ZMYM2: variants seen among roughly 807,000 people sequenced by gnomAD.
ZMYM2 encodes the protein zinc finger MYM-type protein 2.
Under a neutral mutation model 162.8 loss-of-function variants are expected in ZMYM2, and 56 were observed. That is an observed-to-expected ratio of 0.34 (90% CI 0.28 to 0.43). ZMYM2 has a LOEUF of 0.43. Among genes scored for constraint, ZMYM2 ranks in the 20% least tolerant of loss-of-function variants. The pLI is 1.00. For synonymous variants in ZMYM2, 510 were observed against 541.6 expected (o/e 0.94, Z 0.81); for missense variants, 1,275 against 1,621.8 (o/e 0.79, Z 3.67).
chr13:19,885,975 A>ATGTG, the ZMYM2 span, among the ~76,000 whole-genome samples: 3 of 138,582 alleles, frequency 2.2e-5, 1 homozygote, highest in African/African-American at 8.2e-5. Context: ...GTATACACAT[A>ATGTG]TATATGTATA....
chr13:20,082,705 CTG>C (rs2141047364), intron 22 of ZMYM2, 74 bp from the exon 23 acceptor site: 1 of 1,244,262 alleles, frequency 8.0e-7, no homozygotes, highest in East Asian at 2.6e-5. Flanking sequence ...CTTAAATTAA[CTG>C]TGTCTGCTTC....
chr13:19,923,527 C>CTT, the ZMYM2 span, among the ~76,000 whole-genome samples: 308 of 147,170 alleles, frequency 2.1e-3, 1 homozygote, highest in East Asian at 5.9e-3. Context: ...TGTTTGGGGT[C>CTT]TTTTTTTTTT....
chr13:19,884,528 G>A, the ZMYM2 span, among the ~76,000 whole-genome samples: 6 of 151,900 alleles, frequency 3.9e-5, no homozygotes, highest in Non-Finnish European at 2.9e-5. Flanking sequence ...AGCCAAGATC[G>A]CGCCACTGCA....
chr13:19,973,938 C>A (rs1487422420), intron 2 of ZMYM2, among the ~76,000 whole-genome samples: 1 of 151,786 alleles, frequency 6.6e-6, no homozygotes, highest in East Asian at 1.9e-4. Context: ...TCAATATGGC[C>A]CAGGGAAGCC....
At position 19,993,289 on chromosome 13, in the gene ZMYM2, G is replaced by T; in HGVS notation, c.217G>T (p.Val73Leu). Residue 73 changes from valine (V) to leucine (L), a missense_variant, in exon 3 of 25, where the codon GTA (valine) becomes TTA (leucine). Physicochemically the swap from Val to Leu is conservative, Grantham distance 32. Around this residue, in one of 10 missense-constraint regions of ZMYM2, gnomAD observed 295 missense variants for 286.7 expected, o/e 1.03. Transcript: ENST00000610343. ...ACCTGTACAACCTCCCCCACCTTCT[G>T]TACCAGTGGTAGCTGATCAAAGAAC... is the stretch of plus-strand genomic sequence containing the variant. ...IEPVQPPPPSVPVVADQRTIT... is the reference protein window; with the variant it reads ...IEPVQPPPPSLPVVADQRTIT... 1 of 1,613,914 alleles carries T rather than the reference G, an allele frequency of 6.2e-7. No individual in the cohort carries two copies. Among genetic ancestry groups the T allele is most frequent in the African/African-American group, 1.3e-5 (1 of 75,040 alleles).
intron 2 of ZMYM2, among the ~76,000 whole-genome samples, chr13:19,966,428 C>T (rs1389820202): frequency 6.6e-6 from 1 of 150,904 alleles, no homozygotes; most frequent in African/African-American, 2.4e-5. Flanking sequence ...ACCACTGCAC[C>T]AGGCCTGAAT....
At chr13:20,051,966 C>A (rs1218315697) in intron 13 of ZMYM2, among the ~76,000 whole-genome samples, 1 of 151,742 alleles carries the variant, frequency 6.6e-6, no homozygotes, top group Non-Finnish European at 1.5e-5. Flanking sequence ...GGAGGAAGAA[C>A]AAAAACCGTT....
the ZMYM2 span, among the ~76,000 whole-genome samples, chr13:19,873,771 C>T: frequency 5.3e-5 from 8 of 152,154 alleles, no homozygotes; most frequent in Non-Finnish European, 8.8e-5. Context: ...AGAACCACCA[C>T]GTCAGAGGCG....
chr13:19,888,570 T>G, the ZMYM2 span, among the ~76,000 whole-genome samples: 1 of 151,984 alleles, frequency 6.6e-6, no homozygotes, highest in Non-Finnish European at 1.5e-5. Context: ...GTATGAGATT[T>G]AATGTGGATC....
the ZMYM2 span, among the ~76,000 whole-genome samples, chr13:19,900,924 C>T: frequency 7.9e-5 from 12 of 152,064 alleles, 1 homozygote; most frequent in South Asian, 1.5e-3. Context: ...CCCAGCTACT[C>T]GTGAGGCTGA....
At position 20,060,218 on chromosome 13, in the gene ZMYM2, C is replaced by T. The variant is rs576717577; in HGVS notation, c.2739+656C>T. 5.9e-5 allele frequency among the ~76,000 whole-genome samples: 9 copies of T among 152,212 alleles called. No individual in the cohort carries two copies. The East Asian group carries it at 1.2e-3, about 20-fold the overall frequency. On this transcript the variant is annotated intron_variant, in intron 16 of 24. Coordinates refer to ENST00000610343, the MANE Select transcript of ZMYM2 (RefSeq NM_197968.4). The stretch of plus-strand genomic sequence containing the variant: ...ACTAGTTTAATGAAGCTAATAAAAC[C>T]ATCTTTACCTTTCTTCGACAGTTAA...
the ZMYM2 span, among the ~76,000 whole-genome samples, chr13:19,931,350 A>T: frequency 6.6e-6 from 1 of 151,926 alleles, no homozygotes; most frequent in Non-Finnish European, 1.5e-5. Flanking sequence ...GTTCATATAG[A>T]GATATTATTG....
chr13:19,973,689 A>C (rs7330181), intron 2 of ZMYM2, among the ~76,000 whole-genome samples: 64,581 of 142,370 alleles, frequency 0.45, 16,737 homozygotes, highest in East Asian at 0.68. Context: ...AAAAAAAAAA[A>C]CACCAAAAAA....
At position 19,971,228 on chromosome 13, in the gene ZMYM2, A is replaced by ATGTGTGTG. The variant is rs10629393; in HGVS notation, c.-11+11212_-11+11219dup. 3.6e-3 allele frequency among the ~76,000 whole-genome samples: 210 copies of ATGTGTGTG among 58,858 alleles called. 9 individuals carry two copies. The highest frequency in any genetic ancestry group is 4.1e-3 in the Non-Finnish European group (134 of 32,710). The allele number at this position is 58,858 out of a possible 152,430, so 38.6% of individuals were successfully genotyped here. A position where few individuals can be genotyped will look rare whatever the true frequency, so the allele number is the denominator to read the frequency against. ...CTGATTTCATTTTTAGTTTATATAT[A>ATGTGTGTG]TGTGTGTGTGTGTGTGTATATATAT... is the stretch of plus-strand genomic sequence containing the variant. On this transcript the variant is annotated intron_variant, in intron 2 of 24. Coordinates refer to ENST00000610343, the MANE Select transcript of ZMYM2 (RefSeq NM_197968.4).
chr13:19,865,810 GA>G, the ZMYM2 span, among the ~76,000 whole-genome samples: 2 of 151,412 alleles, frequency 1.3e-5, no homozygotes, highest in African/African-American at 2.4e-5. Context: ...GAAAATTTAG[GA>G]AAAAAAAGTC....
intron 3 of ZMYM2, among the ~76,000 whole-genome samples, chr13:19,995,818 A>G (rs1307629759): frequency 1.3e-5 from 2 of 152,182 alleles, no homozygotes; most frequent in Non-Finnish European, 2.9e-5. Context: ...GTGAAAAAAT[A>G]CAAAATACTG....
intron 2 of ZMYM2, among the ~76,000 whole-genome samples, chr13:19,983,514 A>G (rs1025055025): frequency 1.3e-5 from 2 of 152,146 alleles, no homozygotes; most frequent in Non-Finnish European, 2.9e-5. Context: ...TAACAGTGCT[A>G]TATGGTAATA....
At chr13:20,028,172 T>C (rs1378887628) in intron 9 of ZMYM2, 1 of 160,482 alleles carries the variant, frequency 6.2e-6, no homozygotes, top group African/African-American at 2.4e-5. Flanking sequence ...TGAATTCAAA[T>C]GAATGTCAGT....
At chr13:20,009,661 G>A (rs1168522595) in intron 6 of ZMYM2, among the ~76,000 whole-genome samples, 1 of 152,168 alleles carries the variant, frequency 6.6e-6, no homozygotes, top group East Asian at 1.9e-4. Context: ...TATAATATTT[G>A]TCTTTTTGCA....
Sources: gnomAD v4.1 joint callset for allele counts (sites outside exome capture counted in the v4.1 genomes callset) on GRCh38, gnomAD v4.1.1 for gene constraint, gnomAD v4.1.1 regional missense constraint, MANE v1.5 for transcripts, NCBI Gene and HGNC (gene_info 2026-07-23, HGNC 2026-07-21) for gene names.